Variants in RGS7 observed in about 807,000 individuals in gnomAD.
RGS7 encodes the protein regulator of G protein signaling 7.
RGS7 carries 27 observed loss-of-function variants against 81.1 expected under a neutral mutation model. The ratio of observed to expected loss-of-function variants is 0.33; its 90% CI spans 0.25 to 0.46. The LOEUF is 0.46. Ranked by LOEUF, RGS7 falls within the 20% of genes least tolerant of loss-of-function variation. The pLI is 1.00. For missense variants in RGS7, 396 were observed against 607.4 expected (o/e 0.65, Z 3.66); for synonymous variants, 208 against 207.7 (o/e 1.00, Z -0.01).
chr1:240,775,482 G>C (rs558279385), downstream of RGS7: 1 of 152,372 alleles, frequency 6.6e-6, no homozygotes, highest in South Asian at 2.1e-4. Context: ...TTCCTTTTTA[G>C]TTAGCATGGA....
intron 3 of RGS7, among the ~76,000 whole-genome samples, chr1:241,067,562 C>T (rs1442576140): frequency 6.6e-6 from 1 of 151,688 alleles, no homozygotes; most frequent in Non-Finnish European, 1.5e-5. Flanking sequence ...ATCTGTTGCC[C>T]AGGCTGGAAT....
At chr1:241,191,870 G>GT (rs1253943200) in intron 2 of RGS7, among the ~76,000 whole-genome samples, 1 of 152,204 alleles carries the variant, frequency 6.6e-6, no homozygotes, top group Non-Finnish European at 1.5e-5. Context: ...AAATTCATGT[G>GT]TATAGAGTTG....
intron 6 of RGS7, among the ~76,000 whole-genome samples, chr1:240,886,994 C>G (rs1667438970): frequency 6.6e-6 from 1 of 152,092 alleles, no homozygotes; most frequent in Admixed American, 6.5e-5. Context: ...ATTTGCTCAC[C>G]TGTGTAATGA....
chr1:241,016,468 A>C (rs2059237823), intron 3 of RGS7, among the ~76,000 whole-genome samples: 1 of 152,132 alleles, frequency 6.6e-6, no homozygotes, highest in South Asian at 2.1e-4. Context: ...CAGTGAGCCA[A>C]GATTGTGCCA....
chr1:240,935,064 G>T (rs1391918185), intron 5 of RGS7, among the ~76,000 whole-genome samples: 10 of 122,884 alleles, frequency 8.1e-5, no homozygotes, highest in African/African-American at 1.1e-4. Flanking sequence ...AATTTTTTTT[G>T]TTTGTTTTTT....
At chr1:240,817,006 C>T (rs1690914277) in intron 10 of RGS7, among the ~76,000 whole-genome samples, 1 of 152,102 alleles carries the variant, frequency 6.6e-6, no homozygotes, top group Non-Finnish European at 1.5e-5. Flanking sequence ...CATCAGTGAC[C>T]CCAGAGGCGT....
At chr1:240,878,643 T>C (rs1665878339) in intron 6 of RGS7, among the ~76,000 whole-genome samples, 1 of 152,140 alleles carries the variant, frequency 6.6e-6, no homozygotes, top group African/African-American at 2.4e-5. Flanking sequence ...AATATGTTTT[T>C]TCCCCAGGTT....
At chr1:240,902,899 C>A (rs1670241400) in intron 6 of RGS7, among the ~76,000 whole-genome samples, 2 of 152,104 alleles carry the variant, frequency 1.3e-5, no homozygotes, top group Non-Finnish European at 2.9e-5. Flanking sequence ...TTAAAAGTAG[C>A]AAAATGCAAC....
intron 3 of RGS7, among the ~76,000 whole-genome samples, chr1:241,076,308 C>T (rs1271265864): frequency 2.6e-5 from 4 of 152,120 alleles, no homozygotes; most frequent in African/African-American, 9.7e-5. Flanking sequence ...CTCCTGATGG[C>T]TTCCCTTCAC....
intron 2 of RGS7, among the ~76,000 whole-genome samples, chr1:241,104,871 C>T (rs1262923994): frequency 6.6e-6 from 1 of 152,116 alleles, no homozygotes; most frequent in African/African-American, 2.4e-5. Flanking sequence ...GTGTCTGGTC[C>T]ATAATGGAGG....
At chr1:241,002,524 C>T (rs1232661518) in intron 3 of RGS7, among the ~76,000 whole-genome samples, 1 of 151,082 alleles carries the variant, frequency 6.6e-6, no homozygotes, top group East Asian at 1.9e-4. Context: ...AAAGTGTATT[C>T]TTCCATGTTG....
chr1:241,018,661 G>A (rs1327355173), intron 3 of RGS7, among the ~76,000 whole-genome samples: 1 of 151,954 alleles, frequency 6.6e-6, no homozygotes, highest in African/African-American at 2.4e-5. Context: ...GGAGGTGGGG[G>A]GCATTCTATA....
At chr1:241,326,716 G>A (rs1445356210) in intron 2 of RGS7, among the ~76,000 whole-genome samples, 1 of 150,656 alleles carries the variant, frequency 6.6e-6, no homozygotes, top group African/African-American at 2.4e-5. Flanking sequence ...GGCAAAGGTG[G>A]GCAGGTCGCT....
At chr1:241,065,526 G>A (rs1042950241) in intron 3 of RGS7, among the ~76,000 whole-genome samples, 6 of 152,134 alleles carry the variant, frequency 3.9e-5, no homozygotes, top group East Asian at 1.9e-4. Context: ...CAATACTTAC[G>A]TTAACACATT....
intron 2 of RGS7, among the ~76,000 whole-genome samples, chr1:241,108,845 TCTC>T (rs1162021778): frequency 1.3e-5 from 2 of 152,100 alleles, no homozygotes; most frequent in Admixed American, 6.6e-5. Flanking sequence ...TCAGAATCCT[TCTC>T]CTTCTGCCTC....
intron 5 of RGS7, among the ~76,000 whole-genome samples, chr1:240,932,921 T>C (rs1346453832): frequency 4.5e-5 from 6 of 132,844 alleles, no homozygotes; most frequent in Admixed American, 2.4e-4. Flanking sequence ...TCTCGCTCTG[T>C]CGCCCAGGCT....
chr1:241,041,887 T>C (rs1038721365), intron 3 of RGS7, among the ~76,000 whole-genome samples: 3 of 152,116 alleles, frequency 2.0e-5, no homozygotes, highest in Admixed American at 1.3e-4. Flanking sequence ...TCTTGAGGAT[T>C]GGGGGCACAT....
intron 3 of RGS7, among the ~76,000 whole-genome samples, chr1:241,071,379 A>G (rs943561127): frequency 1.3e-5 from 2 of 152,192 alleles, no homozygotes; most frequent in African/African-American, 2.4e-5. Context: ...AAAAAAATAA[A>G]AAAATGTAGA....
chr1:241,283,161 A>C (rs149468575), intron 2 of RGS7, among the ~76,000 whole-genome samples: 310 of 152,320 alleles, frequency 2.0e-3, no homozygotes, highest in African/African-American at 7.1e-3. Flanking sequence ...TTTTTGCTTC[A>C]ACTGTCAAAC....
Sources: allele counts gnomAD v4.1 joint callset (sites outside exome capture counted in the v4.1 genomes callset), GRCh38; gene constraint gnomAD v4.1.1; transcripts MANE v1.5; gene names NCBI Gene and HGNC (gene_info 2026-07-23, HGNC 2026-07-21).